L3MBTL3: variants seen among roughly 807,000 people sequenced by gnomAD.
L3MBTL3 encodes lethal(3)malignant brain tumor-like protein 3.
Under a neutral mutation model 102.3 loss-of-function variants are expected in L3MBTL3, and 27 were observed. The ratio of observed to expected loss-of-function variants is 0.26; its 90% CI spans 0.19 to 0.36. The LOEUF (loss-of-function observed/expected upper bound fraction) is 0.36, where lower values mean the gene tolerates loss of function less well. Among genes scored for constraint, L3MBTL3 ranks in the 10% least tolerant of loss-of-function variants. The pLI is 1.00. For missense variants in L3MBTL3, 798 were observed against 955.3 expected, an observed-to-expected ratio of 0.84 and a Z score of 2.17; for synonymous variants, 340 against 320.9, an observed-to-expected ratio of 1.06 and a Z score of -0.64.
rs368069436 is a variant in L3MBTL3, at chr6:130,139,731, A to G, written c.2321A>G (p.Lys774Arg). Reference sequence around the variant, plus strand: ...ATCCTGATGTTCAAAGCTGCAGAGAAGAATTCTCACAATGAACTTTGAAGA... The same window carrying G: ...ATCCTGATGTTCAAAGCTGCAGAGAGGAATTCTCACAATGAACTTTGAAGA... ...NSILMFKAAE[K>R]NSHNEL The change falls in exon 23 of 23, where the codon AAG becomes AGG. Residue 774 changes from lysine (K) to arginine (R), a missense_variant. Physicochemically the swap from Lys to Arg is conservative, Grantham distance 26. Coordinates refer to ENST00000361794, the MANE Select transcript of L3MBTL3 (RefSeq NM_032438.4). 3 of 1,613,350 alleles carry G rather than the reference A, an allele frequency of 1.9e-6. No individual in the cohort carries two copies. The highest frequency in any genetic ancestry group is 1.3e-5 in the African/African-American group (1 of 75,056).
intron 20 of L3MBTL3, among the ~76,000 whole-genome samples, chr6:130,121,342 C>G (rs1005034775): frequency 5.9e-5 from 9 of 152,062 alleles, no homozygotes; most frequent in African/African-American, 1.7e-4. Context: ...TTTTCTGTTC[C>G]TGCATTAGTT....
intron 16 of L3MBTL3, 83 bp downstream of exon 16, chr6:130,086,333 G>T: frequency 5.8e-6 from 5 of 861,942 alleles, no homozygotes; most frequent in Non-Finnish European, 7.5e-6. Context: ...CTTAACTTGT[G>T]AAGTCCTGTA....
intron 1 of L3MBTL3, among the ~76,000 whole-genome samples, chr6:130,019,977 G>GGCGGCGGCGGCGGTC (rs1229988180): frequency 3.1e-4 from 42 of 134,672 alleles, no homozygotes; most frequent in Middle Eastern, 3.8e-3. Flanking sequence ...TGTGTCGGGA[G>GGCGGCGGCGGCGGTC]GCGGCGGCGG....
intron 19 of L3MBTL3, among the ~76,000 whole-genome samples, chr6:130,116,498 A>G (rs1268044752): frequency 6.6e-6 from 1 of 152,128 alleles, no homozygotes; most frequent in East Asian, 1.9e-4. Flanking sequence ...AGTGTGGGTA[A>G]TCTCAATGCT....
chr6:130,056,090 G>C (rs1433450956), intron 8 of L3MBTL3, among the ~76,000 whole-genome samples: 1 of 151,972 alleles, frequency 6.6e-6, no homozygotes, highest in Non-Finnish European at 1.5e-5. Context: ...ACCAAGCCTG[G>C]CTAATTTTTG....
chr6:130,083,113 G>A (rs1375846940), intron 14 of L3MBTL3, among the ~76,000 whole-genome samples: 1 of 152,124 alleles, frequency 6.6e-6, no homozygotes, highest in Non-Finnish European at 1.5e-5. Context: ...TACATCATTT[G>A]TGTGTGTTTG....
chr6:130,119,616 GA>G (rs1220150398), intron 19 of L3MBTL3, among the ~76,000 whole-genome samples: 1 of 150,674 alleles, frequency 6.6e-6, no homozygotes, highest in East Asian at 1.9e-4. Flanking sequence ...ATTTCTCTTG[GA>G]AAAAAAAATA....
At chr6:130,048,337 C>T (rs1780852234) in intron 3 of L3MBTL3, among the ~76,000 whole-genome samples, 1 of 152,080 alleles carries the variant, frequency 6.6e-6, no homozygotes, top group Admixed American at 6.5e-5. Flanking sequence ...TAGTGGGTCC[C>T]TAATGTTATT....
chr6:130,028,609 T>C (rs962222382), intron 2 of L3MBTL3, among the ~76,000 whole-genome samples: 1 of 152,214 alleles, frequency 6.6e-6, no homozygotes. Flanking sequence ...AGACCTTAAT[T>C]CCAATATATG....
intron 20 of L3MBTL3, among the ~76,000 whole-genome samples, chr6:130,126,101 T>TTCCC (rs1292569697): frequency 1.5e-4 from 22 of 151,396 alleles, no homozygotes; most frequent in Non-Finnish European, 2.4e-4. Context: ...CCTTACCTCT[T>TTCCC]TCCCTCCCTC....
At position 130,135,538 on chromosome 6, in the gene L3MBTL3, T is replaced by A. The variant is rs1171314499; in HGVS notation, c.2199+1633T>A. On this transcript the variant is annotated intron_variant, in intron 22 of 22. Transcript: ENST00000361794. ...TTTTATTCTGTTGTTATCTAGATAA[T>A]CCCTATAGGTTTGCTCTATTATTCA... Among the ~76,000 whole-genome samples the A allele has an allele frequency of 2.0e-5, 3 of 152,170 alleles. No individual in the cohort carries two copies. The East Asian group carries it at 5.8e-4, about 29-fold the overall frequency.
intron 19 of L3MBTL3, 87 bp downstream of exon 19, chr6:130,104,662 C>A: frequency 1.0e-6 from 1 of 989,272 alleles, no homozygotes; most frequent in Non-Finnish European, 1.4e-6. Flanking sequence ...TTTCCTATAG[C>A]AATGTTTTCT....
In L3MBTL3 at chr6:130,045,733, C is replaced by T. The variant is rs374296300; in HGVS notation, c.102+2932C>T. 3.3e-5 allele frequency among the ~76,000 whole-genome samples: 5 copies of T among 152,080 alleles called. No individual in the cohort carries two copies. The East Asian group carries it at 5.8e-4, about 18-fold the overall frequency. ...ATTTCAGCTGGAGGGATCAGGAAGG[C>T]TTTGAAAAGCAGATGTCATTTGAGC... On this transcript the variant is annotated intron_variant, in intron 3 of 22. Transcript: ENST00000361794.
intron 19 of L3MBTL3, among the ~76,000 whole-genome samples, chr6:130,117,161 C>T (rs183719294): frequency 0.075 from 9,042 of 120,908 alleles, 528 homozygotes; most frequent in African/African-American, 0.15. Context: ...TGTGATATTC[C>T]CCTTCCTGTG....
intron 12 of L3MBTL3, 96 bp downstream of exon 12, chr6:130,068,517 T>C (rs1782420776): frequency 6.1e-6 from 4 of 651,708 alleles, no homozygotes; most frequent in Non-Finnish European, 1.1e-5. Flanking sequence ...CTATAATAAA[T>C]TTTATCGCCT....
At chr6:130,106,638 A>C (rs1415682007) in intron 19 of L3MBTL3, among the ~76,000 whole-genome samples, 4 of 152,182 alleles carry the variant, frequency 2.6e-5, no homozygotes, top group African/African-American at 9.7e-5. Context: ...TGTTAGTGGT[A>C]GGAAGTTTGA....
chr6:130,019,940 G>A (rs1377067027), intron 1 of L3MBTL3, among the ~76,000 whole-genome samples: 82 of 136,622 alleles, frequency 6.0e-4, no homozygotes, highest in African/African-American at 2.1e-3. Flanking sequence ...CGCCGCGCCG[G>A]CCCGGGTGCG....
chr6:130,108,219 GGTTTT>G (rs1785103596), intron 19 of L3MBTL3, among the ~76,000 whole-genome samples: 1 of 104,214 alleles, frequency 9.6e-6, no homozygotes, highest in African/African-American at 2.9e-5. Context: ...AATGTTAGGT[GGTTTT>G]TTTTTTGTTT....
chr6:130,070,921 TC>T (rs1482848850), intron 12 of L3MBTL3, 54 bp from the exon 13 acceptor site: 9 of 1,476,162 alleles, frequency 6.1e-6, no homozygotes, highest in Admixed American at 1.8e-5. Context: ...AGTGTGCAGT[TC>T]TTGTGGTTGT....
Sources: allele counts gnomAD v4.1 joint callset (sites outside exome capture counted in the v4.1 genomes callset), GRCh38; gene constraint gnomAD v4.1.1; transcripts MANE v1.5; gene names NCBI Gene and HGNC (gene_info 2026-07-23, HGNC 2026-07-21).